TGFBI: variants seen among roughly 807,000 people sequenced by gnomAD.
The protein encoded by TGFBI is transforming growth factor beta induced.
TGFBI carries 50 observed loss-of-function variants against 73.7 expected under a neutral mutation model. That is an observed-to-expected ratio of 0.68 (90% CI 0.54 to 0.86). The LOEUF is 0.86. TGFBI is among the 40% of genes least tolerant of loss of function. TGFBI has a pLI of 0.00. For synonymous variants in TGFBI, 362 were observed against 360.5 expected, an observed-to-expected ratio of 1.00 and a Z score of -0.05; for missense variants, 839 against 877.0, an observed-to-expected ratio of 0.96 and a Z score of 0.55.
chr5:136,061,782 T>C (rs999600618), intron 15 of TGFBI: 10 of 650,382 alleles, frequency 1.5e-5, no homozygotes, highest in Non-Finnish European at 2.5e-5. Flanking sequence ...CTGGCTTTCA[T>C]GGGCCAAAGC....
chr5:136,053,635 G>A (rs1243282951), intron 8 of TGFBI, among the ~76,000 whole-genome samples: 1 of 152,248 alleles, frequency 6.6e-6, no homozygotes, highest in Non-Finnish European at 1.5e-5. Flanking sequence ...CACCACAGAA[G>A]CCATCACACA....
chr5:136,041,989 C>T (rs566163383), intron 2 of TGFBI, among the ~76,000 whole-genome samples: 60 of 152,302 alleles, frequency 3.9e-4, no homozygotes, highest in Middle Eastern at 3.4e-3. Flanking sequence ...CACAGGGGGC[C>T]CTGACATGAG....
chr5:136,052,919 A>G lies in TGFBI; in HGVS notation c.926A>G (p.Asn309Ser). ...DPEALRDLLN[N>S]HILKSAMCAE... ...GTTTGGACCCCAGACCTGCTGAACA[A>G]CCACATCTTGAAGTCAGCTATGTGT... The change falls in exon 8 of 17, where the codon AAC (asparagine) becomes AGC (serine). Residue 309 changes from asparagine (N) to serine (S), a missense_variant. Asn to Ser is a conservative substitution (Grantham distance 46). Transcript: ENST00000442011. 1.2e-6 allele frequency: 2 copies of G among 1,613,748 alleles called. No individual in the cohort carries two copies. The highest frequency in any genetic ancestry group is 1.7e-6 in the Non-Finnish European group (2 of 1,179,662).
intron 2 of TGFBI, among the ~76,000 whole-genome samples, chr5:136,036,070 A>G (rs544745445): frequency 6.6e-5 from 10 of 152,346 alleles, no homozygotes; most frequent in African/African-American, 2.4e-4. Flanking sequence ...AGGCACAAGC[A>G]ACAGAGCTGT....
intron 12 of TGFBI, 74 bp from the exon 13 acceptor site, chr5:136,059,016 C>A: frequency 6.5e-7 from 1 of 1,545,052 alleles, no homozygotes; most frequent in Non-Finnish European, 8.8e-7. Context: ...TACATCTTCT[C>A]CTCTGGGCCC....
At chr5:136,035,863 A>G (rs1209747779) in intron 2 of TGFBI, among the ~76,000 whole-genome samples, 3 of 152,032 alleles carry the variant, frequency 2.0e-5, no homozygotes, top group Non-Finnish European at 2.9e-5. Flanking sequence ...TTCTCTGAAA[A>G]TGGAGACCCG....
At chr5:136,057,364 C>T (rs1240596441) in intron 12 of TGFBI, among the ~76,000 whole-genome samples, 1 of 152,132 alleles carries the variant, frequency 6.6e-6, no homozygotes, top group Non-Finnish European at 1.5e-5. Flanking sequence ...CACTGACTAT[C>T]CCTCCAGACA....
chr5:136,053,930 T>C lies in TGFBI; in HGVS notation c.1127-13T>C. ...GCTTTTAACTTTTGAACCCACTTTC[T>C]CCTTCCTTGTAGCCAAGACACTATT... On this transcript the variant is annotated splice_polypyrimidine_tract_variant and intron_variant, in intron 8 of 16. Coordinates refer to ENST00000442011, the MANE Select transcript of TGFBI (RefSeq NM_000358.3). The C allele has an allele frequency of 2.5e-6, 4 of 1,612,058 alleles. No individual in the cohort carries two copies. The highest frequency in any genetic ancestry group is 3.4e-6 in the Non-Finnish European group (4 of 1,178,192).
At chr5:136,035,624 C>CAAAAAAA (rs1191524920) in intron 2 of TGFBI, among the ~76,000 whole-genome samples, 2 of 71,812 alleles carry the variant, frequency 2.8e-5, no homozygotes, top group African/African-American at 4.3e-5. Context: ...GACACCGTCT[C>CAAAAAAA]AAAAAAAAAA....
rs1436739758 is a variant in TGFBI, at chr5:136,056,723, G to A, written c.1606G>A (p.Val536Ile). The A allele has an allele frequency of 6.2e-7, 1 of 1,613,690 alleles. No homozygotes were observed. The highest frequency in any genetic ancestry group is 2.2e-5 in the East Asian group (1 of 44,856). ...GACGGAGACCCTCAACCGGGAAGGA[G>A]TCTACACAGTCTTTGCTCCCACAAA... ...GLTETLNREG[V>I]YTVFAPTNEA... Residue 536 changes from valine to isoleucine, a missense_variant, in exon 12 of 17, where the codon GTC becomes ATC. Val to Ile is a conservative substitution (Grantham distance 29). Transcript: ENST00000442011.
chr5:136,060,821 GT>G lies in TGFBI; in HGVS notation c.1804-8del. ...ATGCTCTACTTTCAACCACTACTCTGTTTTTCTTTTAGAAAAACAATGTGGT... is the reference window on the plus strand; with the variant it reads ...ATGCTCTACTTTCAACCACTACTCTGTTTTCTTTTAGAAAAACAATGTGGT... On this transcript the variant is annotated splice_polypyrimidine_tract_variant and intron_variant, in intron 13 of 16. Coordinates refer to ENST00000442011, the MANE Select transcript of TGFBI (RefSeq NM_000358.3). 1 of 1,583,108 alleles carries G rather than the reference GT, an allele frequency of 6.3e-7. No homozygotes were observed. The highest frequency in any genetic ancestry group is 8.6e-7 in the Non-Finnish European group (1 of 1,158,006).
chr5:136,042,656 G>A (rs1166413001), intron 2 of TGFBI, among the ~76,000 whole-genome samples: 1 of 147,340 alleles, frequency 6.8e-6, no homozygotes, highest in African/African-American at 2.5e-5. Flanking sequence ...GAGGAAGGAA[G>A]GAGGAGGAAG....
chr5:136,037,181 T>C (rs997817652), intron 2 of TGFBI, among the ~76,000 whole-genome samples: 1 of 152,216 alleles, frequency 6.6e-6, no homozygotes, highest in African/African-American at 2.4e-5. Flanking sequence ...ATATGGACTT[T>C]ATTACAGGAA....
At chr5:136,032,637 T>C (rs1168722933) in intron 1 of TGFBI, among the ~76,000 whole-genome samples, 2 of 152,322 alleles carry the variant, frequency 1.3e-5, no homozygotes, top group African/African-American at 4.8e-5. Flanking sequence ...GGAGGTCTTG[T>C]GAAAGCCCTC....
intron 2 of TGFBI, among the ~76,000 whole-genome samples, chr5:136,035,138 G>A (rs539355939): frequency 2.6e-5 from 4 of 152,196 alleles, no homozygotes; most frequent in African/African-American, 9.7e-5. Context: ...CCTGTCCAGG[G>A]CAGGTCCATG....
rs1263466434 is a variant in TGFBI, at chr5:136,047,022, G to A, written c.624+7G>A. On this transcript the variant is annotated splice_region_variant and intron_variant, in intron 5 of 16. Transcript: ENST00000442011. The stretch of plus-strand genomic sequence containing the variant: ...CCACCACTATCCTAATGGGGTAGGG[G>A]ATCCCCAGCCATACTGCATGGCCCT... 14 of 1,610,094 alleles carry A rather than the reference G, an allele frequency of 8.7e-6. No homozygotes were observed. Among genetic ancestry groups the A allele is most frequent in the Non-Finnish European group, 1.2e-5 (14 of 1,179,660 alleles).
At chr5:136,056,013 T>C (rs1358527687) in intron 11 of TGFBI, among the ~76,000 whole-genome samples, 197 bp downstream of exon 11, 1 of 152,198 alleles carries the variant, frequency 6.6e-6, no homozygotes, top group African/African-American at 2.4e-5. Context: ...GAAGAAGGGT[T>C]ACTTCTAAGA....
intron 7 of TGFBI, among the ~76,000 whole-genome samples, chr5:136,052,227 G>A (rs1011510554): frequency 2.0e-5 from 3 of 152,256 alleles, no homozygotes; most frequent in Non-Finnish European, 4.4e-5. Flanking sequence ...ACTTGGATAA[G>A]CAAATAAATT....
At chr5:136,056,637 G>A (rs951305517) in intron 11 of TGFBI, 28 bp from the exon 12 acceptor site, 3 of 1,613,620 alleles carry the variant, frequency 1.9e-6, no homozygotes. Context: ...CTGTTGACAG[G>A]TGACATTTTC....
Sources: gnomAD v4.1 joint callset for allele counts (sites outside exome capture counted in the v4.1 genomes callset) on GRCh38, gnomAD v4.1.1 for gene constraint, MANE v1.5 for transcripts, NCBI Gene and HGNC (gene_info 2026-07-23, HGNC 2026-07-21) for gene names.